CYP2R1: variants seen among roughly 807,000 people sequenced by gnomAD.
CYP2R1 encodes the protein vitamin D 25-hydroxylase.
In CYP2R1, 40 loss-of-function variants were observed where a neutral mutation model predicts 45.7. That is an observed-to-expected ratio of 0.87 (90% CI 0.68 to 1.14). CYP2R1 has a LOEUF of 1.14. CYP2R1 is among the 50% of genes most tolerant of loss of function. CYP2R1 has a pLI of 0.00. For missense variants in CYP2R1, 605 were observed against 602.6 expected (o/e 1.00, Z -0.04); for synonymous variants, 234 against 219.3 (o/e 1.07, Z -0.59).
In CYP2R1 at chr11:14,878,313, A is replaced by T. The variant is rs1244312482; in HGVS notation, c.1331-16T>A. The T allele has an allele frequency of 6.2e-7, 1 of 1,612,000 alleles. No individual in the cohort carries two copies. Among genetic ancestry groups the T allele is most frequent in the East Asian group, 2.2e-5 (1 of 44,854 alleles). On this transcript the variant is annotated splice_polypyrimidine_tract_variant and intron_variant, in intron 4 of 4. Transcript: ENST00000334636. ...TGTCTTCTTCCTAAACAGAAAAAGC[A>T]GATACAATAATTTTTTAAACCCACA...
rs782405402 is a variant in CYP2R1, at chr11:14,879,097, C to T, written c.1330+17G>A. The T allele has an allele frequency of 1.4e-4, 219 of 1,598,194 alleles. No individual in the cohort carries two copies. Among genetic ancestry groups the T allele is most frequent in the Admixed American group, 4.2e-4 (25 of 59,772 alleles). On this transcript the variant is annotated intron_variant, in intron 4 of 4. Transcript: ENST00000334636. ...TATCCTTTATTCTAAAGTTACGCCC[C>T]GTGAAAGTTCTCTTACCTAGGGAAA...
chr11:14,880,105 T>C lies in CYP2R1; in HGVS notation c.1000+31A>G, dbSNP rs548121475. On this transcript the variant is annotated intron_variant, in intron 3 of 4. Coordinates refer to ENST00000334636, the MANE Select transcript of CYP2R1 (RefSeq NM_024514.5). ...CATGTATGAACCCTACATGTAAGGA[T>C]AGACCCTGAGATCATCAAGAGAATC... 1.3e-4 allele frequency: 207 copies of C among 1,610,842 alleles called. 2 individuals carry two copies. The highest frequency in any genetic ancestry group is 1.1e-3 in the South Asian group (98 of 90,812).
intron 1 of CYP2R1, among the ~76,000 whole-genome samples, chr11:14,888,230 G>A (rs1378226383): frequency 1.3e-5 from 2 of 152,060 alleles, no homozygotes; most frequent in Non-Finnish European, 1.5e-5. Flanking sequence ...TATATTGTCT[G>A]TCTTCCCCCA....
intron 1 of CYP2R1, chr11:14,887,634 T>G (rs1039297530): frequency 5.8e-5 from 57 of 985,242 alleles, no homozygotes; most frequent in Non-Finnish European, 6.6e-5. Flanking sequence ...CCTTGCCTTC[T>G]AGATCACTCC....
In CYP2R1 at chr11:14,890,597, A is replaced by T. The variant is rs550445859; in HGVS notation, c.225+1384T>A. On this transcript the variant is annotated intron_variant, in intron 1 of 4. Transcript: ENST00000334636. ...AGTCTGGCTCTGTTGCCCAGGCTGG[A>T]GTGCAGTGGCGCGATCTCGGCTCAC... is the stretch of plus-strand genomic sequence containing the variant. 123 of 207,690 alleles carry T rather than the reference A, an allele frequency of 5.9e-4. No homozygotes were observed. The Middle Eastern group carries it at 0.015, about 26-fold the overall frequency. The allele number at this position is 207,690 out of a possible 1,614,324, so 12.9% of individuals were successfully genotyped here. A position where few individuals can be genotyped will look rare whatever the true frequency, so the allele number is the denominator to read the frequency against.
intron 2 of CYP2R1, among the ~76,000 whole-genome samples, chr11:14,885,146 T>G (rs1427034005): frequency 6.6e-6 from 1 of 152,218 alleles, no homozygotes; most frequent in Non-Finnish European, 1.5e-5. Flanking sequence ...GGACACAACT[T>G]TAGTAAAAAT....
At chr11:14,891,955 C>T in intron 1 of CYP2R1, 26 bp downstream of exon 1, 1 of 1,609,020 alleles carries the variant, frequency 6.2e-7, no homozygotes, top group South Asian at 1.1e-5. Flanking sequence ...GCGGCCCTCC[C>T]TGCCCGGGGC....
intron 1 of CYP2R1, chr11:14,887,428 C>A: frequency 4.9e-6 from 1 of 205,926 alleles, no homozygotes; most frequent in Non-Finnish European, 8.5e-6. Context: ...AGTATGTATT[C>A]CTGTATACAG....
At chr11:14,890,343 G>T in intron 1 of CYP2R1, 1 of 350,678 alleles carries the variant, frequency 2.9e-6, no homozygotes, top group Non-Finnish European at 4.0e-6. Context: ...ATACCAAAGA[G>T]ATGAAATATA....
At chr11:14,886,000 C>T (rs782031601) in intron 1 of CYP2R1, 83 bp from the exon 2 acceptor site, 93 of 1,368,214 alleles carry the variant, frequency 6.8e-5, no homozygotes, top group Non-Finnish European at 8.8e-5. Flanking sequence ...GTGGTAAGTG[C>T]GGCTCTTCCA....
At chr11:14,891,850 A>T in intron 1 of CYP2R1, 131 bp downstream of exon 1, 2 of 1,414,172 alleles carry the variant, frequency 1.4e-6, no homozygotes, top group African/African-American at 1.4e-5. Context: ...GGTGTCCCTC[A>T]AAGGGCAGCC....
At chr11:14,888,315 C>T (rs189440426) in intron 1 of CYP2R1, among the ~76,000 whole-genome samples, 89 of 152,288 alleles carry the variant, frequency 5.8e-4, no homozygotes, top group African/African-American at 2.0e-3. Flanking sequence ...GGACAGTGCA[C>T]AGCATATGAC....
In CYP2R1 at chr11:14,892,189, C is replaced by G. The variant is rs1383860939; in HGVS notation, c.17G>C (p.Arg6Thr). 24 of 1,610,326 alleles carry G rather than the reference C, an allele frequency of 1.5e-5. No individual in the cohort carries two copies. The highest frequency in any genetic ancestry group is 1.9e-5 in the Non-Finnish European group (23 of 1,179,824). Residue 6 changes from arginine to threonine, a missense_variant, in exon 1 of 5, where the codon AGA becomes ACA. Physicochemically the swap from Arg to Thr is moderately conservative, Grantham distance 71. Transcript: ENST00000334636. MWKLW[R>T]AEEGAAALGG... is the part of the protein sequence containing the mutation. ...GAGCGCCGCCGCGCCCTCTTCAGCT[C>G]TCCAAAGCTTCCACATCGGCCCGAG...
At chr11:14,887,046 C>T (rs1450051819) in intron 1 of CYP2R1, 5 of 152,352 alleles carry the variant, frequency 3.3e-5, no homozygotes, top group African/African-American at 1.2e-4. Context: ...TCAAAAGTGA[C>T]AGTAGAAGAG....
intron 2 of CYP2R1, among the ~76,000 whole-genome samples, chr11:14,885,446 C>G (rs113496097): frequency 4.6e-5 from 7 of 152,250 alleles, no homozygotes; most frequent in African/African-American, 1.7e-4. Flanking sequence ...GTACTCAAGA[C>G]TAGGTTCAAA....
At chr11:14,878,996 G>A in intron 4 of CYP2R1, 118 bp downstream of exon 4, 2 of 831,072 alleles carry the variant, frequency 2.4e-6, no homozygotes, top group Admixed American at 2.2e-5. Flanking sequence ...AATCAGTTCT[G>A]TGTTTTTAGA....
intron 1 of CYP2R1, among the ~76,000 whole-genome samples, chr11:14,889,790 T>C (rs1396264074): frequency 6.6e-6 from 1 of 152,212 alleles, no homozygotes; most frequent in African/African-American, 2.4e-5. Flanking sequence ...TGTTTAAAAA[T>C]ACTTTCAAAT....
At position 14,879,347 on chromosome 11, in the gene CYP2R1, T is replaced by C; in HGVS notation, c.1097A>G (p.His366Arg). The change falls in exon 4 of 5, where the codon CAT becomes CGT. Residue 366 changes from histidine to arginine, a missense_variant. His to Arg is a conservative substitution (Grantham distance 29). Transcript: ENST00000334636. ...TATATTACAGAATCTTAAAACTTCATGCAAAACTGCCTCAGTATAAGGCAT... is the reference window on the plus strand; with the variant it reads ...TATATTACAGAATCTTAAAACTTCACGCAAAACTGCCTCAGTATAAGGCAT... ...CKMPYTEAVL[H>R]EVLRFCNIVP... 6.2e-7 allele frequency: 1 copy of C among 1,612,494 alleles called. No homozygotes were observed. The highest frequency in any genetic ancestry group is 8.5e-7 in the Non-Finnish European group (1 of 1,179,482).
chr11:14,892,269 G>A (rs1848893998), upstream of CYP2R1: 2 of 1,485,610 alleles, frequency 1.3e-6, no homozygotes, highest in Non-Finnish European at 1.8e-6. Context: ...CTCCAGCCCT[G>A]CCATACTCCC....
Sources: allele counts gnomAD v4.1 joint callset (sites outside exome capture counted in the v4.1 genomes callset), GRCh38; gene constraint gnomAD v4.1.1; transcripts MANE v1.5; gene names NCBI Gene and HGNC (gene_info 2026-07-23, HGNC 2026-07-21).